NAMPT: variants seen among roughly 807,000 people sequenced by gnomAD.
The protein encoded by NAMPT is nicotinamide phosphoribosyltransferase.
In NAMPT, 7 loss-of-function variants were observed where a neutral mutation model predicts 58.7. The observed-to-expected ratio is 0.12, with a 90% confidence interval of 0.07 to 0.22. The LOEUF is 0.22. Ranked by LOEUF, NAMPT falls within the 10% of genes least tolerant of loss-of-function variation. The pLI, the probability that NAMPT is intolerant of heterozygous loss-of-function variation, is 1.00. For missense variants in NAMPT, 271 were observed against 567.9 expected (o/e 0.48, Z 5.31); for synonymous variants, 145 against 198.1 (o/e 0.73, Z 2.25).
intron 2 of NAMPT, 92 bp downstream of exon 2, chr7:106,276,931 C>A (rs1792658894): frequency 9.7e-7 from 1 of 1,029,508 alleles, no homozygotes. Context: ...TTAATGCATC[C>A]AAATTAACAG....
intron 5 of NAMPT, among the ~76,000 whole-genome samples, 190 bp downstream of exon 5, chr7:106,268,964 C>G (rs995221330): frequency 2.6e-5 from 4 of 152,090 alleles, no homozygotes; most frequent in Admixed American, 2.6e-4. Flanking sequence ...ATATAAAGGA[C>G]AGGGACATCT....
At chr7:106,285,655 G>GA, upstream of NAMPT, 2 of 961,712 alleles carry the variant, frequency 2.1e-6, no homozygotes, top group Non-Finnish European at 2.5e-6. Flanking sequence ...GAGTGAGGCT[G>GA]AGGGGCCCCT....
At chr7:106,267,757 C>T (rs1038103587) in intron 6 of NAMPT, among the ~76,000 whole-genome samples, 3 of 132,740 alleles carry the variant, frequency 2.3e-5, no homozygotes, top group Admixed American at 8.5e-5. Flanking sequence ...AGGAGAATGG[C>T]GTGAACCTGG....
intron 9 of NAMPT, among the ~76,000 whole-genome samples, chr7:106,253,858 TGCTCTATAGAATCTCCA>T (rs1054655923): frequency 6.6e-6 from 1 of 152,112 alleles, no homozygotes; most frequent in Non-Finnish European, 1.5e-5. Context: ...CTCTGTCCCT[TGCTCTATAGAATCTCCA>T]GCTCTCAAGA....
chr7:106,273,909 GTGTTTGACAGTCTTT>G (rs1403271764), intron 3 of NAMPT, among the ~76,000 whole-genome samples: 3 of 151,746 alleles, frequency 2.0e-5, no homozygotes, highest in Admixed American at 2.0e-4. Flanking sequence ...TAATTATTCT[GTGTTTGACAGTCTTT>G]TCAATGTAAG....
intron 8 of NAMPT, among the ~76,000 whole-genome samples, chr7:106,255,485 A>T (rs893081361): frequency 6.6e-6 from 1 of 152,186 alleles, no homozygotes; most frequent in Non-Finnish European, 1.5e-5. Context: ...TCTCAAATTG[A>T]CTTTTTTAAT....
chr7:106,285,096 G>C, upstream of NAMPT: 1 of 1,351,126 alleles, frequency 7.4e-7, no homozygotes, highest in Non-Finnish European at 9.6e-7. Flanking sequence ...CGGCTCGCGT[G>C]CTCGCAGTCT....
chr7:106,271,560 G>A (rs902439572), intron 4 of NAMPT, among the ~76,000 whole-genome samples: 5 of 151,900 alleles, frequency 3.3e-5, no homozygotes, highest in Admixed American at 1.3e-4. Context: ...TTTAGTATAC[G>A]GTATAGACTA....
chr7:106,277,184 G>A lies in NAMPT; in HGVS notation c.58-5C>T. 1 of 1,606,004 alleles carries A rather than the reference G, an allele frequency of 6.2e-7. No individual in the cohort carries two copies. The highest frequency in any genetic ancestry group is 2.2e-5 in the East Asian group (1 of 44,710). ...ATATTGTTTATAGTGAGTAACCTAT[G>A]TAAAGAAATACACTTCTGTTAGAAA... On this transcript the variant is annotated splice_region_variant and splice_polypyrimidine_tract_variant and intron_variant, in intron 1 of 10. Coordinates refer to ENST00000222553, the MANE Select transcript of NAMPT (RefSeq NM_005746.3).
rs562973729 is a variant in NAMPT, at chr7:106,272,723, T to G, written c.319-65A>C. On this transcript the variant is annotated intron_variant, in intron 3 of 10. Coordinates refer to ENST00000222553, the MANE Select transcript of NAMPT (RefSeq NM_005746.3). ...GATACTCAATTCCCTGCTGTTTTAC[T>G]AAAGGTTCTTTACGTTTTATAGAAG... 402 of 1,568,668 alleles carry G rather than the reference T, an allele frequency of 2.6e-4. 1 individual carries two copies. In the African/African-American group the frequency reaches 4.9e-3, roughly 19 times the overall value.
intron 4 of NAMPT, chr7:106,271,998 A>C (rs28454100): frequency 0.049 from 12,859 of 261,760 alleles, 581 homozygotes; most frequent in Middle Eastern, 0.17. Context: ...GTATAAACCC[A>C]AAGCCCAAAA....
upstream of NAMPT, chr7:106,285,250 C>T (rs1238616742): frequency 4.5e-6 from 4 of 892,228 alleles, no homozygotes; most frequent in Admixed American, 5.5e-5. Context: ...CGCGCTCTTC[C>T]TCCCAGACGC....
upstream of NAMPT, chr7:106,285,704 C>T: frequency 2.3e-6 from 1 of 434,808 alleles, no homozygotes; most frequent in South Asian, 9.8e-5. Flanking sequence ...TCCGGCGGCT[C>T]TGTCTATGGC....
chr7:106,260,259 G>A (rs922363977), intron 8 of NAMPT, among the ~76,000 whole-genome samples: 12 of 152,202 alleles, frequency 7.9e-5, no homozygotes, highest in Non-Finnish European at 5.9e-5. Context: ...GTAACTTGCA[G>A]CAGCTTCTAC....
chr7:106,253,268 G>C (rs1792135088), intron 9 of NAMPT, 117 bp from the exon 10 acceptor site: 21 of 1,071,514 alleles, frequency 2.0e-5, no homozygotes, highest in Admixed American at 2.7e-5. Context: ...GCACTTAATA[G>C]GTATAACTGA....
At chr7:106,283,572 G>T (rs908739467) in intron 1 of NAMPT, among the ~76,000 whole-genome samples, 2 of 152,118 alleles carry the variant, frequency 1.3e-5, no homozygotes, top group African/African-American at 4.8e-5. Flanking sequence ...AACACAAGAG[G>T]AGGTTTTAGG....
chr7:106,273,059 C>T (rs1792567490), intron 3 of NAMPT, among the ~76,000 whole-genome samples: 2 of 151,934 alleles, frequency 1.3e-5, no homozygotes, highest in African/African-American at 4.8e-5. Flanking sequence ...GTTATTTTCA[C>T]AAAATAAAGG....
chr7:106,259,035 A>C (rs1270999805), intron 8 of NAMPT, among the ~76,000 whole-genome samples: 1 of 152,202 alleles, frequency 6.6e-6, no homozygotes, highest in Non-Finnish European at 1.5e-5. Context: ...GGTTTTATCA[A>C]CTGATTTTAC....
chr7:106,257,827 G>A (rs1034152031), intron 8 of NAMPT, among the ~76,000 whole-genome samples: 9 of 152,174 alleles, frequency 5.9e-5, no homozygotes, highest in African/African-American at 2.2e-4. Flanking sequence ...ACAGCAACAG[G>A]CAGGCTAATG....
Sources: gnomAD v4.1 joint callset for allele counts (sites outside exome capture counted in the v4.1 genomes callset) on GRCh38, gnomAD v4.1.1 for gene constraint, MANE v1.5 for transcripts, NCBI Gene and HGNC (gene_info 2026-07-23, HGNC 2026-07-21) for gene names.